Variants in MTUS2 observed in about 807,000 individuals in gnomAD.
The protein encoded by MTUS2 is microtubule associated scaffold protein 2, also known as microtubule-associated tumor suppressor candidate 2.
A neutral mutation model predicts 114.1 loss-of-function variants in MTUS2; 40 were observed. The ratio of observed to expected loss-of-function variants is 0.35; its 90% CI spans 0.27 to 0.46. MTUS2 has a LOEUF of 0.46. MTUS2 is among the 20% of genes least tolerant of loss of function. The pLI, the probability that MTUS2 is intolerant of heterozygous loss-of-function variation, is 1.00. For synonymous variants in MTUS2, 688 were observed against 672.0 expected (o/e 1.02, Z -0.37); for missense variants, 1,679 against 1,705.4 (o/e 0.98, Z 0.27).
At chr13:29,367,910 G>T (rs751716080) in intron 8 of MTUS2, among the ~76,000 whole-genome samples, 1 of 150,858 alleles carries the variant, frequency 6.6e-6, no homozygotes, top group Admixed American at 6.6e-5. Flanking sequence ...GGGACCTGTA[G>T]CTTTTCTTTT....
intron 8 of MTUS2, among the ~76,000 whole-genome samples, chr13:29,435,451 C>T (rs1877334185): frequency 1.3e-5 from 2 of 152,142 alleles, no homozygotes. Flanking sequence ...AGTGTCATCA[C>T]CCAGACCAGG....
intron 5 of MTUS2, among the ~76,000 whole-genome samples, chr13:29,275,168 C>T (rs9508330): frequency 0.017 from 2,550 of 152,196 alleles, 29 homozygotes; most frequent in Middle Eastern, 0.034. Context: ...TCATTGCAGT[C>T]CATTCACTTC....
chr13:29,495,181 C>CAAAAAAAA (rs71090260), intron 12 of MTUS2, among the ~76,000 whole-genome samples: 1 of 30,068 alleles, frequency 3.3e-5, no homozygotes, highest in African/African-American at 1.3e-4. Context: ...AACTCCGTCT[C>CAAAAAAAA]AAAAAAAAAA....
At chr13:29,420,924 A>G (rs955256302) in intron 8 of MTUS2, among the ~76,000 whole-genome samples, 4 of 152,242 alleles carry the variant, frequency 2.6e-5, no homozygotes, top group African/African-American at 9.6e-5. Flanking sequence ...AGACAGGGAA[A>G]AAAAGATTAT....
At chr13:28,861,260 A>G (rs928454369) in intron 2 of MTUS2, among the ~76,000 whole-genome samples, 16 of 152,184 alleles carry the variant, frequency 1.1e-4, no homozygotes, top group African/African-American at 3.4e-4. Flanking sequence ...CCATTTAACA[A>G]TGATTGCTGG....
intron 9 of MTUS2, among the ~76,000 whole-genome samples, chr13:29,460,471 G>T (rs1205638323): frequency 1.3e-5 from 2 of 152,084 alleles, no homozygotes; most frequent in African/African-American, 2.4e-5. Context: ...CTGACAGGCT[G>T]GGCATTCAAT....
At chr13:29,401,710 T>C (rs1874362601) in intron 8 of MTUS2, among the ~76,000 whole-genome samples, 1 of 152,216 alleles carries the variant, frequency 6.6e-6, no homozygotes, top group Non-Finnish European at 1.5e-5. Flanking sequence ...GATCAGCTTG[T>C]TTATATCTGT....
In MTUS2 at chr13:29,254,010, A is replaced by G. The variant is rs1210647197; in HGVS notation, c.2645-27694A>G. ...TTCAAGATGAGATTTGGGAGGGGACACAGCTAAACCATATCAAAGACTAAG... is the reference window on the plus strand; with the variant it reads ...TTCAAGATGAGATTTGGGAGGGGACGCAGCTAAACCATATCAAAGACTAAG... On this transcript the variant is annotated intron_variant, in intron 5 of 15. Coordinates refer to ENST00000612955, the MANE Select transcript of MTUS2 (RefSeq NM_001033602.4). Among the ~76,000 whole-genome samples, 3 of 152,204 alleles carry G rather than the reference A, an allele frequency of 2.0e-5. No homozygotes were observed. In the East Asian group the frequency reaches 5.8e-4, roughly 29 times the overall value.
chr13:29,059,916 C>T (rs913364171), intron 4 of MTUS2, among the ~76,000 whole-genome samples: 1 of 152,206 alleles, frequency 6.6e-6, no homozygotes, highest in African/African-American at 2.4e-5. Context: ...GAGGGCTGTG[C>T]CTGCCAGCTG....
intron 1 of MTUS2, among the ~76,000 whole-genome samples, chr13:28,824,053 G>T (rs117293797): frequency 0.012 from 1,810 of 152,258 alleles, 25 homozygotes; most frequent in Non-Finnish European, 0.02. Context: ...ACATTTGGGT[G>T]GGGACACAGC....
chr13:29,410,060 A>G (rs953291208), intron 8 of MTUS2, among the ~76,000 whole-genome samples: 1 of 152,088 alleles, frequency 6.6e-6, no homozygotes, highest in African/African-American at 2.4e-5. Flanking sequence ...ATCAGATTGC[A>G]TTCACACCAG....
intron 5 of MTUS2, among the ~76,000 whole-genome samples, chr13:29,253,063 A>T (rs1897177736): frequency 1.4e-5 from 2 of 144,336 alleles, no homozygotes; most frequent in African/African-American, 2.7e-5. Flanking sequence ...CTTTTCTGTC[A>T]TTTTACATTT....
At chr13:29,105,791 A>G (rs1242494533) in intron 5 of MTUS2, among the ~76,000 whole-genome samples, 1 of 129,972 alleles carries the variant, frequency 7.7e-6, no homozygotes, top group Non-Finnish European at 1.7e-5. Flanking sequence ...GAAAAGTGTC[A>G]TGAAGTGGAG....
At chr13:29,140,986 TC>T (rs1023201473) in intron 5 of MTUS2, among the ~76,000 whole-genome samples, 5 of 152,132 alleles carry the variant, frequency 3.3e-5, no homozygotes, top group African/African-American at 1.2e-4. Context: ...GCCTTAGGGG[TC>T]CCCTGACCCC....
At chr13:29,048,499 G>T (rs184467) in intron 4 of MTUS2, among the ~76,000 whole-genome samples, 92,466 of 151,980 alleles carry the variant, frequency 0.61, 28,481 homozygotes, top group Non-Finnish European at 0.66. Flanking sequence ...TTGAGATAGG[G>T]TCTCACTCTC....
At chr13:29,423,974 C>T (rs766447297) in intron 8 of MTUS2, among the ~76,000 whole-genome samples, 3 of 151,672 alleles carry the variant, frequency 2.0e-5, no homozygotes, top group Admixed American at 6.6e-5. Context: ...AAGGGATTCT[C>T]CTGCCTCAGC....
At chr13:28,839,002 A>ATT (rs576568383) in intron 1 of MTUS2, among the ~76,000 whole-genome samples, 18 of 110,012 alleles carry the variant, frequency 1.6e-4, no homozygotes, top group East Asian at 3.9e-4. Context: ...TTCAATCCTG[A>ATT]TTTTTTTTTT....
At chr13:28,947,533 C>A (rs1210882409) in intron 2 of MTUS2, among the ~76,000 whole-genome samples, 1 of 152,014 alleles carries the variant, frequency 6.6e-6, no homozygotes, top group Non-Finnish European at 1.5e-5. Flanking sequence ...CACATGAGAT[C>A]TTTCGGCTTT....
intron 2 of MTUS2, among the ~76,000 whole-genome samples, chr13:28,998,030 A>G (rs1402408078): frequency 2.6e-5 from 4 of 152,082 alleles, no homozygotes; most frequent in East Asian, 3.9e-4. Flanking sequence ...GGCTGGTACC[A>G]GTTGTTCCTT....
Sources: gnomAD v4.1 joint callset for allele counts (sites outside exome capture counted in the v4.1 genomes callset) on GRCh38, gnomAD v4.1.1 for gene constraint, MANE v1.5 for transcripts, NCBI Gene and HGNC (gene_info 2026-07-23, HGNC 2026-07-21) for gene names.